PRTG: variants seen among roughly 807,000 people sequenced by gnomAD.
The protein encoded by PRTG is protogenin, also known as immunoglobulin superfamily, DCC subclass, member 5.
A neutral mutation model predicts 122.5 loss-of-function variants in PRTG; 67 were observed. That is an observed-to-expected ratio of 0.55 (90% CI 0.45 to 0.67). PRTG has a LOEUF of 0.67. Ranked by LOEUF, PRTG falls within the 30% of genes least tolerant of loss-of-function variation. The pLI is 0.00. For synonymous variants in PRTG, 554 were observed against 501.1 expected, an observed-to-expected ratio of 1.11 and a Z score of -1.41; for missense variants, 1,435 against 1,415.4, an observed-to-expected ratio of 1.01 and a Z score of -0.22.
At chr15:55,664,838 C>T (rs1393411700) in intron 11 of PRTG, among the ~76,000 whole-genome samples, 1 of 152,030 alleles carries the variant, frequency 6.6e-6, no homozygotes, top group Non-Finnish European at 1.5e-5. Context: ...TCTCCTGCCT[C>T]AGCCTCTCTA....
In PRTG at chr15:55,740,662, C is replaced by T. The variant is rs763802054; in HGVS notation, c.117G>A (p.Leu39=). ...CATCCTGTGGTTCTTTTACAAAAGA[C>T]AGTTCGCTAAAGCACCACACTCCTA... The part of the protein sequence containing the change: ...PLPGVWCFSE[L]SFVKEPQDVT... The change falls in exon 2 of 20, where the codon CTG becomes CTA. Residue 39 remains leucine, a synonymous_variant. Coordinates refer to ENST00000389286, the MANE Select transcript of PRTG (RefSeq NM_173814.6). 3.1e-5 allele frequency: 50 copies of T among 1,613,364 alleles called. No homozygotes were observed. Among genetic ancestry groups the T allele is most frequent in the Admixed American group, 1.3e-4 (8 of 59,880 alleles).
chr15:55,730,938 T>TG (rs1430981524), intron 2 of PRTG, among the ~76,000 whole-genome samples: 1 of 152,202 alleles, frequency 6.6e-6, no homozygotes, highest in Non-Finnish European at 1.5e-5. Flanking sequence ...CTACAGAAGT[T>TG]GCGATCTTTA....
intron 17 of PRTG, among the ~76,000 whole-genome samples, chr15:55,625,484 C>T (rs2059189550): frequency 6.6e-6 from 1 of 151,656 alleles, no homozygotes; most frequent in African/African-American, 2.4e-5. Flanking sequence ...GGATCTCTCA[C>T]TCTGCTGCCC....
chr15:55,727,750 G>A (rs1281431599), intron 2 of PRTG, among the ~76,000 whole-genome samples: 2 of 152,058 alleles, frequency 1.3e-5, no homozygotes, highest in Admixed American at 6.5e-5. Flanking sequence ...GAGCCAAGAT[G>A]GCGCCACTGC....
intron 2 of PRTG, among the ~76,000 whole-genome samples, chr15:55,723,736 T>A (rs2912800): frequency 0.97 from 145,619 of 149,390 alleles, 71,096 homozygotes; most frequent in East Asian, 1. Flanking sequence ...TTAATAGCCA[T>A]ATTCTTTTCT....
intron 2 of PRTG, among the ~76,000 whole-genome samples, chr15:55,699,289 T>C (rs2141838598): frequency 6.6e-6 from 1 of 152,130 alleles, no homozygotes; most frequent in East Asian, 1.9e-4. Flanking sequence ...TTTGGTATTT[T>C]CCCCCACCTT....
chr15:55,719,986 G>A (rs1447414560), intron 2 of PRTG, among the ~76,000 whole-genome samples: 1 of 152,128 alleles, frequency 6.6e-6, no homozygotes, highest in East Asian at 1.9e-4. Flanking sequence ...CTTGAACTGG[G>A]AGGCAGAGGT....
rs376916412 is a variant in PRTG at position 55,705,993 on chromosome 15, G to A, written c.398-22062C>T. On this transcript the variant is annotated intron_variant, in intron 2 of 19. Transcript: ENST00000389286. ...CTCCCGAGTAGCTGGGATTACATGCGCATGCCACCATGCCCAGCTAATTTT... is the reference window on the plus strand; with the variant it reads ...CTCCCGAGTAGCTGGGATTACATGCACATGCCACCATGCCCAGCTAATTTT... Among the ~76,000 whole-genome samples the A allele has an allele frequency of 2.8e-5, 4 of 141,438 alleles. No homozygotes were observed. The Admixed American group carries it at 2.9e-4, about 10-fold the overall frequency. The allele number at this position is 141,438 out of a possible 152,430, so 92.8% of individuals were successfully genotyped here.
At chr15:55,647,339 TA>T (rs2059329897) in intron 11 of PRTG, among the ~76,000 whole-genome samples, 1 of 152,050 alleles carries the variant, frequency 6.6e-6, no homozygotes, top group African/African-American at 2.4e-5. Context: ...AGTTCACAGG[TA>T]TCAATAAACA....
chr15:55,721,128 CCT>C (rs1158400181), intron 2 of PRTG, among the ~76,000 whole-genome samples: 3 of 152,202 alleles, frequency 2.0e-5, no homozygotes, highest in Admixed American at 6.5e-5. Context: ...TTTCCCTCTC[CCT>C]GATTCCCCAC....
intron 15 of PRTG, among the ~76,000 whole-genome samples, chr15:55,630,268 G>A (rs550195009): frequency 1.3e-5 from 2 of 152,234 alleles, no homozygotes; most frequent in African/African-American, 2.4e-5. Context: ...TTACAGGCAT[G>A]AGCCACCACG....
At chr15:55,725,583 G>A (rs1344523730) in intron 2 of PRTG, among the ~76,000 whole-genome samples, 1 of 150,150 alleles carries the variant, frequency 6.7e-6, no homozygotes, top group Non-Finnish European at 1.5e-5. Flanking sequence ...GTGAGACAGT[G>A]ACCCTGTCTC....
At chr15:55,704,123 T>C (rs1358633041) in intron 2 of PRTG, among the ~76,000 whole-genome samples, 1 of 152,242 alleles carries the variant, frequency 6.6e-6, no homozygotes, top group Non-Finnish European at 1.5e-5. Flanking sequence ...CCAAGACCAC[T>C]TTCCCTTCAG....
chr15:55,649,685 G>A (rs1040026536), intron 11 of PRTG, among the ~76,000 whole-genome samples: 8 of 151,938 alleles, frequency 5.3e-5, no homozygotes, highest in Non-Finnish European at 7.4e-5. Flanking sequence ...CCAGCTACTC[G>A]GGTGGCTGAG....
At chr15:55,733,514 CAAAAA>C (rs1171561645) in intron 2 of PRTG, among the ~76,000 whole-genome samples, 1 of 76,394 alleles carries the variant, frequency 1.3e-5, no homozygotes, top group Admixed American at 1.6e-4. Flanking sequence ...CTGTCTCAAA[CAAAAA>C]AAAAAAAAAA....
chr15:55,742,423 A>G (rs572798399), intron 1 of PRTG: 92 of 168,094 alleles, frequency 5.5e-4, no homozygotes, highest in Non-Finnish European at 9.9e-4. Flanking sequence ...CTAAGGAAAC[A>G]ATATAAATAA....
chr15:55,733,514 C>CAAAAA (rs1171561645), intron 2 of PRTG, among the ~76,000 whole-genome samples: 71 of 76,038 alleles, frequency 9.3e-4, no homozygotes, highest in East Asian at 1.4e-3. Flanking sequence ...CTGTCTCAAA[C>CAAAAA]AAAAAAAAAA....
chr15:55,738,122 G>C (rs1339823024), intron 2 of PRTG: 1 of 130,408 alleles, frequency 7.7e-6, no homozygotes, highest in Non-Finnish European at 1.7e-5. Flanking sequence ...AAAGGGATTT[G>C]AGCCTCCATC....
In PRTG at chr15:55,742,658, A is replaced by C. The variant is rs2031650217; in HGVS notation, c.94+180T>G. The C allele has an allele frequency of 2.2e-5, 15 of 685,624 alleles. No homozygotes were observed. In the South Asian group the frequency reaches 2.7e-4, roughly 12 times the overall value. 42.5% of individuals were successfully genotyped at this position (685,624 alleles called of 1,614,324 possible). A position where few individuals can be genotyped will look rare whatever the true frequency, so the allele number is the denominator to read the frequency against. Reference sequence around the variant, plus strand: ...AGCAGCGCAGAGGCCGCAAGCAACTAGTGTCTGCAGCTGGCGGTTCCGGAC... The same window carrying C: ...AGCAGCGCAGAGGCCGCAAGCAACTCGTGTCTGCAGCTGGCGGTTCCGGAC... On this transcript the variant is annotated intron_variant, in intron 1 of 19. Transcript: ENST00000389286.
Sources: gnomAD v4.1 joint callset for allele counts (sites outside exome capture counted in the v4.1 genomes callset) on GRCh38, gnomAD v4.1.1 for gene constraint, MANE v1.5 for transcripts, NCBI Gene and HGNC (gene_info 2026-07-23, HGNC 2026-07-21) for gene names.